Variants in USH2A observed in about 807,000 individuals in gnomAD.
The protein encoded by USH2A is usherin.
In USH2A, 443 loss-of-function variants were observed where a neutral mutation model predicts 538.9. The observed-to-expected ratio is 0.82, with a 90% CI of 0.76 to 0.89. USH2A has a LOEUF of 0.89. USH2A is among the 40% of genes least tolerant of loss of function. The probability of loss-of-function intolerance (pLI) is 0.00; values close to 1 mark genes in which losing one functional copy is unlikely to be tolerated. For missense variants in USH2A, 6,633 were observed against 6,324.8 expected, an observed-to-expected ratio of 1.05 and a Z score of -1.65; for synonymous variants, 2,413 against 2,273.5, an observed-to-expected ratio of 1.06 and a Z score of -1.75.
At chr1:215,885,317 T>A (rs1162322807) in intron 41 of USH2A, among the ~76,000 whole-genome samples, 1 of 152,316 alleles carries the variant, frequency 6.6e-6, no homozygotes, top group Admixed American at 6.5e-5. Flanking sequence ...CTTACATTTT[T>A]AAAATGAAAT....
intron 64 of USH2A, among the ~76,000 whole-genome samples, chr1:215,660,769 T>C (rs896236324): frequency 6.6e-6 from 1 of 152,204 alleles, no homozygotes; most frequent in African/African-American, 2.4e-5. Flanking sequence ...AATATGCCTA[T>C]AGGAATCAAA....
intron 9 of USH2A, among the ~76,000 whole-genome samples, chr1:216,296,139 C>CA (rs1451438437): frequency 6.6e-6 from 1 of 151,492 alleles, no homozygotes; most frequent in Admixed American, 6.6e-5. Flanking sequence ...GAGAAAAAGA[C>CA]AAAAAGGAGA....
At chr1:216,291,574 A>G (rs568713329) in intron 10 of USH2A, among the ~76,000 whole-genome samples, 1 of 152,324 alleles carries the variant, frequency 6.6e-6, no homozygotes, top group South Asian at 2.1e-4. Flanking sequence ...TTTGAAACCC[A>G]TCAGATATAT....
chr1:215,880,092 AT>A (rs538906871), intron 41 of USH2A, among the ~76,000 whole-genome samples: 2 of 152,086 alleles, frequency 1.3e-5, no homozygotes, highest in Non-Finnish European at 2.9e-5. Flanking sequence ...GTTAGATTAT[AT>A]TTTTTTCCCT....
At chr1:215,759,591 C>A (rs945607901) in intron 57 of USH2A, 69 bp downstream of exon 57, 11 of 1,583,062 alleles carry the variant, frequency 6.9e-6, no homozygotes, top group East Asian at 2.2e-5. Context: ...GTGGGACATG[C>A]ATTTCTTATC....
intron 52 of USH2A, among the ~76,000 whole-genome samples, chr1:215,785,312 C>T (rs1661767588): frequency 2.0e-5 from 3 of 152,164 alleles, no homozygotes; most frequent in Admixed American, 1.3e-4. Context: ...GAGGACATTT[C>T]AGGTGGAATA....
In USH2A at chr1:216,292,254, G is replaced by A. The variant is rs1571668714; in HGVS notation, c.1761C>T (p.Asn587=). 1.2e-6 allele frequency: 2 copies of A among 1,613,976 alleles called. No individual in the cohort carries two copies. Among genetic ancestry groups the A allele is most frequent in the Non-Finnish European group, 1.7e-6 (2 of 1,179,970 alleles). The change falls in exon 10 of 72, where the codon AAC becomes AAT. Residue 587 remains asparagine (N), a synonymous_variant. Transcript: ENST00000307340. ...CAAAAGGAAATGGGTCTACAGAGATGTTGTAATGGCAGCTTTTGGAATGGC... is the reference window on the plus strand; with the variant it reads ...CAAAAGGAAATGGGTCTACAGAGATATTGTAATGGCAGCTTTTGGAATGGC... ...CNSHSKSCHY[N]ISVDPFPFEH...
At chr1:216,096,537 T>C (rs954335187) in intron 22 of USH2A, among the ~76,000 whole-genome samples, 2 of 152,220 alleles carry the variant, frequency 1.3e-5, no homozygotes, top group African/African-American at 4.8e-5. Context: ...TATTTTATGT[T>C]CCTATAATAC....
At chr1:216,080,858 G>A (rs556821091) in intron 26 of USH2A, among the ~76,000 whole-genome samples, 2 of 151,434 alleles carry the variant, frequency 1.3e-5, no homozygotes, top group African/African-American at 4.8e-5. Flanking sequence ...GCTCAAATAC[G>A]GTCAAGTTGA....
At chr1:215,649,055 A>G (rs1170552038) in intron 65 of USH2A, among the ~76,000 whole-genome samples, 2 of 152,230 alleles carry the variant, frequency 1.3e-5, no homozygotes, top group Admixed American at 6.5e-5. Flanking sequence ...TTAGAAAGGT[A>G]TTAGAAAATG....
intron 21 of USH2A, among the ~76,000 whole-genome samples, chr1:216,111,256 CA>C (rs1411136702): frequency 5.3e-5 from 8 of 152,004 alleles, no homozygotes; most frequent in Non-Finnish European, 8.8e-5. Context: ...AATAAACAAA[CA>C]AAAAACTACC....
Position 215,657,399 on chromosome 1 carries a change from T to G in USH2A, c.14134-6598A>C, listed in dbSNP as rs527337496. On this transcript the variant is annotated intron_variant, in intron 64 of 71. Transcript: ENST00000307340. ...AAAAGACAATGCAATGAATTTGAAA[T>G]TACATGATTACAAGATTGTTTTATT... is the stretch of plus-strand genomic sequence containing the variant. Among the ~76,000 whole-genome samples the G allele has an allele frequency of 2.1e-4, 32 of 152,344 alleles. No homozygotes were observed. The South Asian group carries it at 6.6e-3, about 32-fold the overall frequency.
intron 55 of USH2A, among the ~76,000 whole-genome samples, chr1:215,777,143 A>G (rs1389338507): frequency 6.6e-6 from 1 of 152,202 alleles, no homozygotes; most frequent in Non-Finnish European, 1.5e-5. Flanking sequence ...AGTAAAAATT[A>G]AAATTATATT....
intron 19 of USH2A, among the ~76,000 whole-genome samples, chr1:216,191,265 T>C (rs560727243): frequency 5.3e-5 from 8 of 152,166 alleles, no homozygotes; most frequent in African/African-American, 1.2e-4. Flanking sequence ...TATAAAATAA[T>C]CTTCCATAAA....
At position 216,250,973 on chromosome 1, in the gene USH2A, A is replaced by G; in HGVS notation, c.2097T>C (p.Ser699=). The change falls in exon 12 of 72, where the codon TCT becomes TCC. Residue 699 remains serine, a synonymous_variant. Transcript: ENST00000307340. ...DGCSPCNCNT[S]GTVDGDITCH... is the part of the protein sequence containing the mutation. The stretch of plus-strand genomic sequence containing the variant: ...AGGTAATATCTCCATCCACTGTCCC[A>G]GAGGTATTGCAGTTACAGGGACTGC... The G allele has an allele frequency of 6.2e-7, 1 of 1,614,064 alleles. No homozygotes were observed. Among genetic ancestry groups the G allele is most frequent in the Non-Finnish European group, 8.5e-7 (1 of 1,179,992 alleles).
chr1:215,989,210 C>T (rs577229722), intron 35 of USH2A, among the ~76,000 whole-genome samples: 3 of 152,106 alleles, frequency 2.0e-5, no homozygotes, highest in South Asian at 2.1e-4. Context: ...AACAAACATA[C>T]CTTTAGGTAC....
At chr1:216,382,224 C>A (rs763604210) in intron 3 of USH2A, among the ~76,000 whole-genome samples, 2 of 151,914 alleles carry the variant, frequency 1.3e-5, no homozygotes, top group Non-Finnish European at 2.9e-5. Flanking sequence ...GAGTAAATTG[C>A]GATAATTTCA....
intron 13 of USH2A, among the ~76,000 whole-genome samples, chr1:216,235,021 T>C (rs1056711858): frequency 6.6e-6 from 1 of 152,154 alleles, no homozygotes; most frequent in South Asian, 2.1e-4. Context: ...ACCAGTATTT[T>C]AGCTGTCCTA....
chr1:216,313,854 G>T (rs2037463775), intron 9 of USH2A, among the ~76,000 whole-genome samples: 1 of 152,026 alleles, frequency 6.6e-6, no homozygotes, highest in Non-Finnish European at 1.5e-5. Flanking sequence ...GCTGTCTTCT[G>T]GCTTTCATTG....
Sources: gnomAD v4.1 joint callset for allele counts (sites outside exome capture counted in the v4.1 genomes callset) on GRCh38, gnomAD v4.1.1 for gene constraint, MANE v1.5 for transcripts, NCBI Gene and HGNC (gene_info 2026-07-23, HGNC 2026-07-21) for gene names.